The following PTPN14 variants were observed in gnomAD, a reference collection of about 807,000 sequenced individuals.
The protein encoded by PTPN14 is protein tyrosine phosphatase non-receptor type 14, also known as tyrosine-protein phosphatase non-receptor type 14.
In PTPN14, 53 loss-of-function variants were observed where a neutral mutation model predicts 126.8. The observed-to-expected ratio is 0.42, with a 90% CI of 0.34 to 0.53. PTPN14 has a LOEUF of 0.53. Ranked by LOEUF, PTPN14 falls within the 20% of genes least tolerant of loss-of-function variation. PTPN14 has a pLI of 0.08. For missense variants in PTPN14, 1,257 were observed against 1,552.9 expected (o/e 0.81, Z 3.20); for synonymous variants, 630 against 599.3 (o/e 1.05, Z -0.75).
chr1:214,365,510 A>AT (rs1304220872), intron 17 of PTPN14, among the ~76,000 whole-genome samples: 1 of 152,190 alleles, frequency 6.6e-6, no homozygotes, highest in Non-Finnish European at 1.5e-5. Flanking sequence ...AATAATTTAG[A>AT]TTTTGTAGTA....
rs568842008 is a variant in PTPN14 at position 214,466,573 on chromosome 1, A to C, written c.-154-1616T>G. On this transcript the variant is annotated intron_variant, in intron 1 of 18. Transcript: ENST00000366956. ...AAAGTGGCCTTATTGCTCCACCCTG[A>C]GCCAGCAATCTTGCTGGGAGGCTCA... 2.0e-5 allele frequency among the ~76,000 whole-genome samples: 3 copies of C among 152,352 alleles called. No individual in the cohort carries two copies. In the East Asian group the frequency reaches 5.8e-4, roughly 29 times the overall value.
intron 1 of PTPN14, among the ~76,000 whole-genome samples, chr1:214,549,408 T>C (rs901167503): frequency 1.3e-5 from 2 of 152,176 alleles, no homozygotes; most frequent in South Asian, 2.1e-4. Context: ...GCTAAAGCAA[T>C]AGTAATGACT....
At chr1:214,543,662 C>T (rs1247677303) in intron 1 of PTPN14, among the ~76,000 whole-genome samples, 1 of 151,604 alleles carries the variant, frequency 6.6e-6, no homozygotes, top group African/African-American at 2.4e-5. Flanking sequence ...GATGGAGTCT[C>T]GCTCTGTCTC....
chr1:214,440,141 C>G (rs7535598), intron 3 of PTPN14, among the ~76,000 whole-genome samples: 139,708 of 152,300 alleles, frequency 0.92, 64,177 homozygotes, highest in African/African-American at 0.96. Flanking sequence ...TCCAGAACCA[C>G]CTTAAGAGCC....
chr1:214,417,023 A>G (rs577818087), intron 3 of PTPN14, among the ~76,000 whole-genome samples: 141 of 152,226 alleles, frequency 9.3e-4, no homozygotes, highest in Non-Finnish European at 1.9e-3. Context: ...GGAAAAGGAA[A>G]AAAAAAAACA....
intron 9 of PTPN14, among the ~76,000 whole-genome samples, chr1:214,394,489 C>G (rs1457734194): frequency 5.3e-5 from 8 of 152,174 alleles, no homozygotes; most frequent in Admixed American, 1.3e-4. Flanking sequence ...CTCATTGCAA[C>G]CTCTGCCTCC....
intron 3 of PTPN14, among the ~76,000 whole-genome samples, chr1:214,435,755 G>C (rs1659900073): frequency 6.6e-6 from 1 of 152,154 alleles, no homozygotes; most frequent in African/African-American, 2.4e-5. Context: ...AAAAATAACT[G>C]AGAAAAGGGA....
intron 1 of PTPN14, among the ~76,000 whole-genome samples, chr1:214,544,100 T>C (rs1655909989): frequency 6.6e-6 from 1 of 152,174 alleles, no homozygotes; most frequent in Non-Finnish European, 1.5e-5. Context: ...AACTTACTAA[T>C]GCTGGTAATT....
Position 214,451,808 on chromosome 1 carries a change from G to T in PTPN14, c.341C>A (p.Thr114Lys). 2 of 1,613,978 alleles carry T rather than the reference G, an allele frequency of 1.2e-6. No individual in the cohort carries two copies. The highest frequency in any genetic ancestry group is 1.7e-6 in the Non-Finnish European group (2 of 1,179,946). ...PNVSWLQQEA[T>K]RYQYYLQVKK... Reference sequence around the variant, plus strand: ...CACAGGGGGAAAATGCACCTACCTTGTGGCCTCTTGCTGAAGCCATGACAC... The same window carrying T: ...CACAGGGGGAAAATGCACCTACCTTTTGGCCTCTTGCTGAAGCCATGACAC... Residue 114 changes from threonine to lysine, a missense_variant, in exon 3 of 19, where the codon ACA (threonine) becomes AAA (lysine). Thr to Lys is a moderately conservative substitution (Grantham distance 78). Coordinates refer to ENST00000366956, the MANE Select transcript of PTPN14 (RefSeq NM_005401.5).
chr1:214,518,446 A>G (rs1655162208), intron 1 of PTPN14, among the ~76,000 whole-genome samples: 1 of 152,236 alleles, frequency 6.6e-6, no homozygotes, highest in Admixed American at 6.5e-5. Context: ...GTTACATTAC[A>G]TAAACTATTC....
chr1:214,483,434 C>T (rs1571612793), intron 1 of PTPN14: 13 of 1,234,770 alleles, frequency 1.1e-5, no homozygotes, highest in East Asian at 7.3e-5. Flanking sequence ...AGGGCGGGAG[C>T]GGGCGCACAA....
chr1:214,537,806 G>T (rs902127779), intron 1 of PTPN14, among the ~76,000 whole-genome samples: 1 of 152,172 alleles, frequency 6.6e-6, no homozygotes, highest in Non-Finnish European at 1.5e-5. Context: ...CTGTCCAAAA[G>T]AAATATAATG....
intron 1 of PTPN14, among the ~76,000 whole-genome samples, chr1:214,479,832 GA>G (rs1485839630): frequency 2.0e-5 from 3 of 151,724 alleles, no homozygotes; most frequent in Admixed American, 6.6e-5. Flanking sequence ...AAAACTAAAA[GA>G]AAAAAATCAC....
At chr1:214,421,402 G>A (rs555317077) in intron 3 of PTPN14, among the ~76,000 whole-genome samples, 1 of 152,258 alleles carries the variant, frequency 6.6e-6, no homozygotes, top group South Asian at 2.1e-4. Flanking sequence ...GGGAAGAAGA[G>A]GCTGAGGAAT....
intron 5 of PTPN14, among the ~76,000 whole-genome samples, chr1:214,405,706 A>G (rs1659151405): frequency 6.6e-6 from 1 of 152,210 alleles, no homozygotes; most frequent in African/African-American, 2.4e-5. Flanking sequence ...TAGTGCTAAT[A>G]ACAATAATAA....
At chr1:214,524,456 A>G (rs912287091) in intron 1 of PTPN14, among the ~76,000 whole-genome samples, 1 of 151,934 alleles carries the variant, frequency 6.6e-6, no homozygotes, top group Non-Finnish European at 1.5e-5. Flanking sequence ...GTTCAAGACC[A>G]GCCTGGGCAA....
chr1:214,506,909 G>GTTTTT (rs367623988), intron 1 of PTPN14, among the ~76,000 whole-genome samples: 1 of 136,804 alleles, frequency 7.3e-6, no homozygotes, highest in Non-Finnish European at 1.5e-5. Flanking sequence ...AAGAGCGCGG[G>GTTTTT]TTTTTTTTTT....
intron 7 of PTPN14, among the ~76,000 whole-genome samples, chr1:214,398,728 C>T (rs551679184): frequency 2.4e-4 from 36 of 150,672 alleles, no homozygotes; most frequent in African/African-American, 5.9e-4. Flanking sequence ...CCACTGTGCC[C>T]GGCAACAATG....
At chr1:214,493,007 G>A (rs531841051) in intron 1 of PTPN14, among the ~76,000 whole-genome samples, 1 of 152,228 alleles carries the variant, frequency 6.6e-6, no homozygotes, top group African/African-American at 2.4e-5. Flanking sequence ...CTTTATTTAT[G>A]TCTAGCAGGA....
Sources: allele counts gnomAD v4.1 joint callset (sites outside exome capture counted in the v4.1 genomes callset), GRCh38; gene constraint gnomAD v4.1.1; transcripts MANE v1.5; gene names NCBI Gene and HGNC (gene_info 2026-07-23, HGNC 2026-07-21).